NIBAN1: variants seen among roughly 807,000 people sequenced by gnomAD.
NIBAN1 encodes the protein niban apoptosis regulator 1.
Under a neutral mutation model 75.1 loss-of-function variants are expected in NIBAN1, and 81 were observed. The observed-to-expected ratio is 1.08, with a 90% confidence interval of 0.90 to 1.30. The LOEUF is 1.30. Ranked by LOEUF, NIBAN1 falls within the 50% of genes most tolerant of loss-of-function variation. The pLI, the probability that NIBAN1 is intolerant of heterozygous loss-of-function variation, is 0.00. For missense variants in NIBAN1, 1,133 were observed against 1,128.1 expected (o/e 1.00, Z -0.06); for synonymous variants, 436 against 424.8 (o/e 1.03, Z -0.32).
Position 184,823,281 on chromosome 1 carries a change from A to C in NIBAN1, c.871T>G (p.Leu291Val). Residue 291 changes from leucine (L) to valine (V), a missense_variant, in exon 8 of 14, where the codon TTA (leucine) becomes GTA (valine). By Grantham distance (32) the Leu-to-Val change is conservative. Coordinates refer to ENST00000367511, the MANE Select transcript of NIBAN1 (RefSeq NM_052966.4). ...CTGCATTCCTCCTTCAAGGCACTTA[A>C]TCCTTCTGAAACTTGATGCTGAACC... ...TLVQHQVSEG[L>V]SALKEECRAL... The C allele has an allele frequency of 1.2e-6, 2 of 1,614,140 alleles. No homozygotes were observed. Among genetic ancestry groups the C allele is most frequent in the Non-Finnish European group, 8.5e-7 (1 of 1,180,020 alleles).
intron 1 of NIBAN1, among the ~76,000 whole-genome samples, chr1:184,933,598 T>A (rs1401221569): frequency 6.6e-6 from 1 of 152,238 alleles, no homozygotes; most frequent in African/African-American, 2.4e-5. Context: ...AGAAAACTGA[T>A]GTTCATAAGT....
Position 184,879,823 on chromosome 1 carries a change from C to A in NIBAN1, c.601+4810G>T, listed in dbSNP as rs183365422. Among the ~76,000 whole-genome samples the A allele has an allele frequency of 1.1e-3, 165 of 152,322 alleles. 1 individual carries two copies. The highest frequency in any genetic ancestry group is 1.8e-3 in the Non-Finnish European group (120 of 68,034). ...ATAATCACTGTTATAGCTCCACATT[C>A]CACCTGACTCACTCCATACAAGCAA... On this transcript the variant is annotated intron_variant, in intron 5 of 13. Transcript: ENST00000367511.
intron 2 of NIBAN1, among the ~76,000 whole-genome samples, chr1:184,898,092 A>G (rs763107148): frequency 7.9e-5 from 12 of 152,192 alleles, no homozygotes; most frequent in Non-Finnish European, 1.2e-4. Flanking sequence ...ACAGGTTGAC[A>G]TGATGTGCTC....
At chr1:184,858,513 C>T (rs1308369748) in intron 5 of NIBAN1, among the ~76,000 whole-genome samples, 1 of 151,948 alleles carries the variant, frequency 6.6e-6, no homozygotes, top group Non-Finnish European at 1.5e-5. Context: ...ACTTCTTATC[C>T]ATCAGCTTGT....
intron 5 of NIBAN1, among the ~76,000 whole-genome samples, chr1:184,873,342 C>T (rs1484772574): frequency 1.3e-5 from 2 of 152,202 alleles, no homozygotes; most frequent in Admixed American, 1.3e-4. Flanking sequence ...GAGATCAGAA[C>T]ATGCCATCTC....
intron 1 of NIBAN1, among the ~76,000 whole-genome samples, chr1:184,914,683 T>C (rs1657336184): frequency 6.6e-6 from 1 of 152,042 alleles, no homozygotes; most frequent in Non-Finnish European, 1.5e-5. Context: ...ATCTCTCATC[T>C]CACATACTTT....
chr1:184,918,316 T>G (rs1657445877), intron 1 of NIBAN1, among the ~76,000 whole-genome samples: 1 of 152,184 alleles, frequency 6.6e-6, no homozygotes, highest in African/African-American at 2.4e-5. Flanking sequence ...AATGAGCTCC[T>G]AACTTTGCCT....
chr1:184,926,852 C>A (rs1019733328), intron 1 of NIBAN1, among the ~76,000 whole-genome samples: 1 of 151,958 alleles, frequency 6.6e-6, no homozygotes, highest in Non-Finnish European at 1.5e-5. Flanking sequence ...ATTCTTTTTT[C>A]TTTGATCTCC....
chr1:184,906,525 G>C (rs955947566), intron 1 of NIBAN1, among the ~76,000 whole-genome samples: 1 of 152,166 alleles, frequency 6.6e-6, no homozygotes, highest in African/African-American at 2.4e-5. Flanking sequence ...AGCTACTCGG[G>C]AGGCTGAGGA....
At chr1:184,953,697 A>T (rs1658415503) in intron 1 of NIBAN1, among the ~76,000 whole-genome samples, 1 of 152,254 alleles carries the variant, frequency 6.6e-6, no homozygotes, top group Non-Finnish European at 1.5e-5. Flanking sequence ...TAAACAAAGT[A>T]GTTAGCTATA....
In NIBAN1 at chr1:184,808,246, G is replaced by T; in HGVS notation, c.1174-11C>A. 1.2e-6 allele frequency: 2 copies of T among 1,612,680 alleles called. No individual in the cohort carries two copies. The highest frequency in any genetic ancestry group is 2.2e-5 in the South Asian group (2 of 90,972). On this transcript the variant is annotated splice_polypyrimidine_tract_variant and intron_variant, in intron 9 of 13. Transcript: ENST00000367511. ...AAGCCGGTCTAGATGCTGCATTTTG[G>T]TGAAGGGAAACATTAAACACCCTCA... is the stretch of plus-strand genomic sequence containing the variant.
intron 1 of NIBAN1, among the ~76,000 whole-genome samples, chr1:184,940,797 A>T (rs1658070864): frequency 6.6e-6 from 1 of 152,258 alleles, no homozygotes; most frequent in South Asian, 2.1e-4. Flanking sequence ...GATGAAATAG[A>T]TAACCGCTGC....
chr1:184,875,785 A>G (rs1261008745), intron 5 of NIBAN1, among the ~76,000 whole-genome samples: 4 of 152,230 alleles, frequency 2.6e-5, no homozygotes, highest in Non-Finnish European at 5.9e-5. Context: ...AAAGCCCAAG[A>G]AAATAGAAGA....
chr1:184,863,986 G>A (rs1052732221), intron 5 of NIBAN1, among the ~76,000 whole-genome samples: 1 of 152,178 alleles, frequency 6.6e-6, no homozygotes, highest in East Asian at 1.9e-4. Flanking sequence ...TCAATAATTG[G>A]TTGCTAGTAT....
chr1:184,807,414 A>G (rs898013821), intron 10 of NIBAN1, among the ~76,000 whole-genome samples: 1 of 152,120 alleles, frequency 6.6e-6, no homozygotes, highest in African/African-American at 2.4e-5. Flanking sequence ...TACGTTAGGG[A>G]ATTAATTTAA....
At chr1:184,971,495 C>G (rs1346898559) in intron 1 of NIBAN1, among the ~76,000 whole-genome samples, 1 of 151,674 alleles carries the variant, frequency 6.6e-6, no homozygotes, top group East Asian at 2.0e-4. Context: ...CATGGTGAAA[C>G]CCCGTCTCTA....
chr1:184,867,151 G>GTCTCTC (rs139222042), intron 5 of NIBAN1, among the ~76,000 whole-genome samples: 15 of 143,650 alleles, frequency 1.0e-4, no homozygotes, highest in Non-Finnish European at 1.8e-4. Flanking sequence ...CTCTCTCTCG[G>GTCTCTC]TCTCTCTCTC....
Position 184,961,161 on chromosome 1 carries a change from T to C in NIBAN1, c.55+13141A>G, listed in dbSNP as rs899860718. Among the ~76,000 whole-genome samples, 6 of 140,404 alleles carry C rather than the reference T, an allele frequency of 4.3e-5. No individual in the cohort carries two copies. In the East Asian group the frequency reaches 7.1e-4, roughly 17 times the overall value. 92.1% of individuals were successfully genotyped at this position (140,404 alleles called of 152,430 possible). A position where few individuals can be genotyped will look rare whatever the true frequency, so the allele number is the denominator to read the frequency against. Reference sequence around the variant, plus strand: ...TCGGCTCACTGCAAGCTCCGCCTCCTGGGTTCACGCCATTCTCCTGCTTCA... The same window carrying C: ...TCGGCTCACTGCAAGCTCCGCCTCCCGGGTTCACGCCATTCTCCTGCTTCA... On this transcript the variant is annotated intron_variant, in intron 1 of 13. Transcript: ENST00000367511.
rs924823390 is a variant in NIBAN1 at position 184,875,608 on chromosome 1, C to A, written c.601+9025G>T. 2.0e-5 allele frequency among the ~76,000 whole-genome samples: 3 copies of A among 152,106 alleles called. No individual in the cohort carries two copies. In the South Asian group the frequency reaches 6.2e-4, roughly 31 times the overall value. On this transcript the variant is annotated intron_variant, in intron 5 of 13. Transcript: ENST00000367511. Reference sequence around the variant, plus strand: ...GAAAGTCACATACCATCACTTCTGCCACAGGCTGTTCATAAGAAGTCACTA... The same window carrying A: ...GAAAGTCACATACCATCACTTCTGCAACAGGCTGTTCATAAGAAGTCACTA...
Sources: allele counts gnomAD v4.1 joint callset (sites outside exome capture counted in the v4.1 genomes callset), GRCh38; gene constraint gnomAD v4.1.1; transcripts MANE v1.5; gene names NCBI Gene and HGNC (gene_info 2026-07-23, HGNC 2026-07-21).